Variants in CDH18 observed in about 807,000 individuals in gnomAD.
The protein encoded by CDH18 is cadherin 18.
A neutral mutation model predicts 67.9 loss-of-function variants in CDH18; 31 were observed. The observed-to-expected ratio is 0.46, with a 90% CI of 0.34 to 0.62. The LOEUF (loss-of-function observed/expected upper bound fraction) is 0.62, where lower values mean the gene tolerates loss of function less well. Ranked by LOEUF, CDH18 falls within the 20% of genes least tolerant of loss-of-function variation. The pLI is 0.01. For synonymous variants in CDH18, 362 were observed against 347.2 expected (o/e 1.04, Z -0.48); for missense variants, 890 against 975.5 (o/e 0.91, Z 1.17).
chr5:20,372,446 C>G (rs143991253), intron 1 of CDH18, among the ~76,000 whole-genome samples: 6 of 152,084 alleles, frequency 3.9e-5, no homozygotes, highest in Admixed American at 2.6e-4. Context: ...CTTATCCTTT[C>G]TATTTCACTG....
chr5:20,519,804 T>C (rs1755617120), intron 1 of CDH18, among the ~76,000 whole-genome samples: 4 of 151,958 alleles, frequency 2.6e-5, no homozygotes, highest in African/African-American at 9.7e-5. Context: ...AGCATCATCC[T>C]GACAGATCAG....
At chr5:20,135,815 T>G (rs11960385) in intron 2 of CDH18, among the ~76,000 whole-genome samples, 42,797 of 151,742 alleles carry the variant, frequency 0.28, 7,373 homozygotes, top group Admixed American at 0.37. Flanking sequence ...TGGTTTGAAA[T>G]AACATCTTTA....
intron 3 of CDH18, among the ~76,000 whole-genome samples, chr5:19,770,056 T>A (rs571686629): frequency 6.6e-6 from 1 of 152,084 alleles, no homozygotes; most frequent in African/African-American, 2.4e-5. Flanking sequence ...AGAGCTAAAG[T>A]TTTTAAAAGA....
intron 1 of CDH18, among the ~76,000 whole-genome samples, chr5:20,564,152 C>G (rs1758368966): frequency 6.6e-6 from 1 of 152,132 alleles, no homozygotes; most frequent in African/African-American, 2.4e-5. Context: ...CTTCCTGCTT[C>G]CTCATAACGA....
chr5:20,224,369 T>C (rs1401042400), intron 2 of CDH18, among the ~76,000 whole-genome samples: 3 of 152,120 alleles, frequency 2.0e-5, no homozygotes, highest in Non-Finnish European at 2.9e-5. Flanking sequence ...TATTACCAAA[T>C]TCAGAATATT....
chr5:20,510,763 C>A (rs1289786969), intron 1 of CDH18, among the ~76,000 whole-genome samples: 2 of 152,012 alleles, frequency 1.3e-5, no homozygotes, highest in African/African-American at 4.8e-5. Context: ...GATGATTAAG[C>A]AAGCAGGAAA....
chr5:20,413,193 T>C (rs1746948400), intron 1 of CDH18, among the ~76,000 whole-genome samples: 2 of 152,242 alleles, frequency 1.3e-5, no homozygotes, highest in Non-Finnish European at 2.9e-5. Context: ...TGCCACATTT[T>C]CTTAATCCAG....
chr5:20,327,371 T>G (rs1738701565), intron 1 of CDH18, among the ~76,000 whole-genome samples: 1 of 152,240 alleles, frequency 6.6e-6, no homozygotes, highest in Non-Finnish European at 1.5e-5. Flanking sequence ...CTTTTTCGTC[T>G]GCTTCCTCTT....
At chr5:20,523,517 A>G (rs1374102152) in intron 1 of CDH18, among the ~76,000 whole-genome samples, 1 of 152,162 alleles carries the variant, frequency 6.6e-6, no homozygotes, top group Non-Finnish European at 1.5e-5. Context: ...ATGCTGGAAT[A>G]TGATAATGGA....
At chr5:19,594,147 T>G (rs1329370671) in intron 6 of CDH18, among the ~76,000 whole-genome samples, 2 of 151,964 alleles carry the variant, frequency 1.3e-5, no homozygotes, top group Non-Finnish European at 2.9e-5. Flanking sequence ...ATGCATTTTT[T>G]TGTTTGTTTG....
chr5:19,667,375 G>A (rs1219958363), intron 5 of CDH18, among the ~76,000 whole-genome samples: 1 of 150,772 alleles, frequency 6.6e-6, no homozygotes, highest in African/African-American at 2.4e-5. Context: ...TACTTAATCA[G>A]TTAATTATTA....
At chr5:19,709,209 G>A (rs1580993136) in intron 5 of CDH18, among the ~76,000 whole-genome samples, 1 of 152,132 alleles carries the variant, frequency 6.6e-6, no homozygotes, top group African/African-American at 2.4e-5. Context: ...GTGGAGGAAA[G>A]GGTTTGGGGA....
At chr5:19,964,487 A>G (rs1579841007) in intron 2 of CDH18, among the ~76,000 whole-genome samples, 1 of 151,598 alleles carries the variant, frequency 6.6e-6, no homozygotes, top group East Asian at 1.9e-4. Flanking sequence ...AGTCCCAGCT[A>G]CTTGAGGGGC....
chr5:19,576,549 A>G (rs1742341636), intron 7 of CDH18, among the ~76,000 whole-genome samples: 2 of 152,224 alleles, frequency 1.3e-5, no homozygotes, highest in South Asian at 4.1e-4. Context: ...GTGAAATATC[A>G]TCTCATGCCT....
chr5:20,569,201 A>G (rs1337046230), intron 1 of CDH18, among the ~76,000 whole-genome samples: 2 of 152,184 alleles, frequency 1.3e-5, no homozygotes, highest in Non-Finnish European at 2.9e-5. Context: ...AACCAACTAC[A>G]TTGCCCTCCA....
At chr5:20,169,048 T>C in intron 2 of CDH18, among the ~76,000 whole-genome samples, 1 of 151,992 alleles carries the variant, frequency 6.6e-6, no homozygotes. Flanking sequence ...AAAGAAAGAA[T>C]GAATAAGACC....
In CDH18 at chr5:20,428,320, C is replaced by T. The variant is rs1350405899; in HGVS notation, c.-580+147142G>A. Reference sequence around the variant, plus strand: ...ATAGTATTCCATGGTGTATATGTGCCACGTTTTCTTTATCCAGTCTATCAT... The same window carrying T: ...ATAGTATTCCATGGTGTATATGTGCTACGTTTTCTTTATCCAGTCTATCAT... On this transcript the variant is annotated intron_variant, in intron 1 of 14. Coordinates refer to the CDH18 transcript ENST00000507958. Among the ~76,000 whole-genome samples the T allele has an allele frequency of 2.1e-5, 3 of 144,714 alleles. 1 individual carries two copies. Among genetic ancestry groups the T allele is most frequent in the African/African-American group, 8.7e-5 (3 of 34,524 alleles). The allele number at this position is 144,714 out of a possible 152,430, so 94.9% of individuals were successfully genotyped here.
intron 4 of CDH18, among the ~76,000 whole-genome samples, chr5:19,738,841 G>A (rs1412576043): frequency 6.6e-6 from 1 of 151,954 alleles, no homozygotes; most frequent in Non-Finnish European, 1.5e-5. Context: ...CATGACACAT[G>A]TTTACCTATG....
At chr5:19,605,049 A>G (rs1747807751) in intron 6 of CDH18, among the ~76,000 whole-genome samples, 1 of 151,990 alleles carries the variant, frequency 6.6e-6, no homozygotes, top group Non-Finnish European at 1.5e-5. Flanking sequence ...CAAGAAATAT[A>G]TGCTTATTAC....
Sources: allele counts gnomAD v4.1 joint callset (sites outside exome capture counted in the v4.1 genomes callset), GRCh38; gene constraint gnomAD v4.1.1; transcripts MANE v1.5; gene names NCBI Gene and HGNC (gene_info 2026-07-23, HGNC 2026-07-21).